Variants in FIGNL2 observed in about 807,000 individuals in gnomAD.
FIGNL2 encodes the protein fidgetin like 2, also known as fidgetin-like protein 2.
For synonymous variants in FIGNL2, 565 were observed against 484.0 expected (o/e 1.17, Z -2.20); for missense variants, 1,060 against 950.2 (o/e 1.12, Z -1.52).
intron 1 of FIGNL2, chr12:51,837,841 CACA>C (rs1358918229): frequency 6.6e-6 from 1 of 152,270 alleles, no homozygotes; most frequent in Non-Finnish European, 1.5e-5. Context: ...CCAAAGAAAA[CACA>C]ACGTGTCTCC....
At chr12:51,843,569 C>A (rs551238502) in intron 1 of FIGNL2, among the ~76,000 whole-genome samples, 6 of 150,232 alleles carry the variant, frequency 4.0e-5, no homozygotes, top group African/African-American at 1.5e-4. Flanking sequence ...AGAGTCAATG[C>A]AGCTTGTTTG....
chr12:51,826,177 C>G (rs1019526759), intron 1 of FIGNL2, among the ~76,000 whole-genome samples: 2 of 152,264 alleles, frequency 1.3e-5, no homozygotes, highest in East Asian at 1.9e-4. Context: ...GCCCGCCCCC[C>G]CCACACAGTT....
chr12:51,822,598 C>T (rs976974250), intron 1 of FIGNL2, among the ~76,000 whole-genome samples, 174 bp from the exon 2 acceptor site: 4 of 152,186 alleles, frequency 2.6e-5, no homozygotes, highest in African/African-American at 7.2e-5. Flanking sequence ...AAATACACTT[C>T]TTATGTCCCA....
intron 1 of FIGNL2, chr12:51,841,322 A>C (rs181518233): frequency 6.6e-6 from 1 of 152,432 alleles, no homozygotes; most frequent in African/African-American, 2.4e-5. Flanking sequence ...ACACAAGCCA[A>C]GTCCGGCCCT....
intron 1 of FIGNL2, among the ~76,000 whole-genome samples, chr12:51,836,030 C>T (rs1042641468): frequency 3.9e-5 from 6 of 152,058 alleles, no homozygotes; most frequent in Admixed American, 2.6e-4. Context: ...ATGCTGGTCT[C>T]GAACTCCTGA....
intron 1 of FIGNL2, among the ~76,000 whole-genome samples, chr12:51,845,965 G>C (rs1308919304): frequency 6.6e-6 from 1 of 152,126 alleles, no homozygotes; most frequent in East Asian, 1.9e-4. Flanking sequence ...GGAGGAGAAG[G>C]AGGCAAATAA....
chr12:51,844,251 C>A lies in FIGNL2; in HGVS notation c.-12+4289G>T, dbSNP rs369218685. ...TTGGTCTCTAGGGTAGGGGTCATAA[C>A]TGGTCATCAAAAATGGGGTTGGGGC... On this transcript the variant is annotated intron_variant, in intron 1 of 1. Transcript: ENST00000618634. Among the ~76,000 whole-genome samples, 5 of 152,278 alleles carry A rather than the reference C, an allele frequency of 3.3e-5. No individual in the cohort carries two copies. The East Asian group carries it at 9.7e-4, about 29-fold the overall frequency.
chr12:51,837,242 T>C (rs1353895703), intron 1 of FIGNL2, among the ~76,000 whole-genome samples: 1 of 152,082 alleles, frequency 6.6e-6, no homozygotes, highest in Non-Finnish European at 1.5e-5. Flanking sequence ...CACTCACTGA[T>C]CAAACAGCCC....
chr12:51,823,638 A>T (rs1482142783), intron 1 of FIGNL2: 1 of 152,206 alleles, frequency 6.6e-6, no homozygotes, highest in Non-Finnish European at 1.5e-5. Context: ...CAGCCTGATA[A>T]AATATCTCAA....
Position 51,822,225 on chromosome 12 carries a change from A to G in FIGNL2, c.189T>C (p.Tyr63=), listed in dbSNP as rs1939233305. Residue 63 remains tyrosine (Y), a synonymous_variant, in exon 2 of 2, where the codon TAT becomes TAC. Transcript: ENST00000618634. ...CCAAGACCCCAGAGTACTTCTCTGCATAGCGCTTTAGGAGGTTGGAGGCAG... is the reference window on the plus strand; with the variant it reads ...CCAAGACCCCAGAGTACTTCTCTGCGTAGCGCTTTAGGAGGTTGGAGGCAG... ...ALTASNLLKR[Y]AEKYSGVLDS... is the part of the protein sequence containing the mutation. 6.2e-7 allele frequency: 1 copy of G among 1,611,624 alleles called. No homozygotes were observed. The highest frequency in any genetic ancestry group is 8.5e-7 in the Non-Finnish European group (1 of 1,178,986).
chr12:51,825,062 A>T (rs958190688), intron 1 of FIGNL2, among the ~76,000 whole-genome samples: 1 of 151,314 alleles, frequency 6.6e-6, no homozygotes, highest in Non-Finnish European at 1.5e-5. Flanking sequence ...ACAAACAAAC[A>T]AAAGTTACAC....
intron 1 of FIGNL2, among the ~76,000 whole-genome samples, chr12:51,837,414 G>A (rs1277309221): frequency 6.6e-6 from 1 of 152,172 alleles, no homozygotes; most frequent in African/African-American, 2.4e-5. Flanking sequence ...TGCCAAGGGC[G>A]TGGGGCCTGC....
chr12:51,820,115 G>C lies in FIGNL2; in HGVS notation c.*337C>G. The stretch of plus-strand genomic sequence containing the variant: ...GGAGAAGGAGGGTGCCATTCAGATA[G>C]CGAGGAGACAAAAGCGTTGTGGCAA... On this transcript the variant is annotated 3_prime_UTR_variant, in exon 2 of 2. Transcript: ENST00000618634. The C allele has an allele frequency of 6.1e-6, 2 of 326,704 alleles. No individual in the cohort carries two copies. Among genetic ancestry groups the C allele is most frequent in the South Asian group, 6.2e-5 (2 of 32,124 alleles). 20.2% of individuals were successfully genotyped at this position (326,704 alleles called of 1,614,324 possible).
In FIGNL2 at chr12:51,820,701, C is replaced by T. The variant is rs1939155302; in HGVS notation, c.1713G>A (p.Leu571=). ...CACTGAGCGCGCAGCCCTGCTGGGC[C>T]AGCGCCCGCTGCAGGATCTGCCCGC... ...PARGQILQRA[L]AQQGCALSER... Residue 571 remains leucine, a synonymous_variant, in exon 2 of 2, where the codon CTG becomes CTA. Transcript: ENST00000618634. 3 of 1,488,638 alleles carry T rather than the reference C, an allele frequency of 2.0e-6. No homozygotes were observed. The highest frequency in any genetic ancestry group is 1.5e-5 in the African/African-American group (1 of 68,298). The allele number at this position is 1,488,638 out of a possible 1,614,324, so 92.2% of individuals were successfully genotyped here.
At chr12:51,845,073 CAATT>C (rs968198503) in intron 1 of FIGNL2, among the ~76,000 whole-genome samples, 13 of 152,262 alleles carry the variant, frequency 8.5e-5, no homozygotes, top group African/African-American at 3.1e-4. Flanking sequence ...AGTCTGGTGT[CAATT>C]AACGGAAGTG....
Position 51,825,647 on chromosome 12 carries a change from C to T in FIGNL2, c.-11-3223G>A, listed in dbSNP as rs567668819. The stretch of plus-strand genomic sequence containing the variant: ...TTTTTTTTTTTTTGAGACGGAGTCT[C>T]GCTCTGTCGCCCAGGCTGGAGTGCA... On this transcript the variant is annotated intron_variant, in intron 1 of 1. Transcript: ENST00000618634. Among the ~76,000 whole-genome samples the T allele has an allele frequency of 3.6e-3, 533 of 148,890 alleles. 2 individuals are homozygous for T. Among genetic ancestry groups the T allele is most frequent in the African/African-American group, 0.012 (493 of 40,464 alleles).
At chr12:51,844,869 G>A (rs1302140140) in intron 1 of FIGNL2, 2 of 985,252 alleles carry the variant, frequency 2.0e-6, no homozygotes, top group African/African-American at 1.7e-5. Flanking sequence ...ACCCCTGGTC[G>A]CTTGGTTCTG....
chr12:51,847,025 C>T (rs1392967499), intron 1 of FIGNL2: 84 of 985,234 alleles, frequency 8.5e-5, no homozygotes, highest in Non-Finnish European at 1.0e-4. Context: ...AGTCCCGCCC[C>T]GCCCCCTGCC....
At chr12:51,846,894 T>C (rs1939762856) in intron 1 of FIGNL2, 1 of 723,990 alleles carries the variant, frequency 1.4e-6, no homozygotes, top group South Asian at 6.1e-5. Flanking sequence ...TGGATGCCAA[T>C]GGAATCAAGT....
Sources: gnomAD v4.1 joint callset for allele counts (sites outside exome capture counted in the v4.1 genomes callset) on GRCh38, gnomAD v4.1.1 for gene constraint, MANE v1.5 for transcripts, NCBI Gene and HGNC (gene_info 2026-07-23, HGNC 2026-07-21) for gene names.